SPATA22: variants seen among roughly 807,000 people sequenced by gnomAD.
SPATA22 encodes the protein spermatogenesis associated 22.
Under a neutral mutation model 47.8 loss-of-function variants are expected in SPATA22, and 29 were observed. The observed-to-expected ratio is 0.61, with a 90% CI of 0.45 to 0.83. The LOEUF is 0.83. Among genes scored for constraint, SPATA22 ranks in the 40% least tolerant of loss-of-function variants. The pLI is 0.00. For synonymous variants in SPATA22, 133 were observed against 140.9 expected, an observed-to-expected ratio of 0.94 and a Z score of 0.40; for missense variants, 410 against 421.7, an observed-to-expected ratio of 0.97 and a Z score of 0.24.
intron 1 of SPATA22, among the ~76,000 whole-genome samples, chr17:3,484,086 C>T (rs1290233376): frequency 6.6e-6 from 1 of 152,234 alleles, no homozygotes; most frequent in Non-Finnish European, 1.5e-5. Context: ...CACTGAGCAG[C>T]TTTCTGGTTT....
At chr17:3,465,833 C>T (rs1014398351) in intron 3 of SPATA22, among the ~76,000 whole-genome samples, 2 of 151,510 alleles carry the variant, frequency 1.3e-5, no homozygotes, top group African/African-American at 4.8e-5. Flanking sequence ...CTATCTCTTA[C>T]CCAATACAGG....
intron 1 of SPATA22, among the ~76,000 whole-genome samples, chr17:3,507,113 C>T (rs1057036337): frequency 3.9e-5 from 6 of 152,010 alleles, no homozygotes; most frequent in South Asian, 4.2e-4. Context: ...GTGTTTCCAA[C>T]TTATGGCTTC....
chr17:3,481,687 T>A, intron 1 of SPATA22: 1 of 1,613,908 alleles, frequency 6.2e-7, no homozygotes, highest in Non-Finnish European at 8.5e-7. Context: ...ACAGTGAAGA[T>A]TCCTATGACA....
chr17:3,444,301 G>A (rs746668958), intron 7 of SPATA22, among the ~76,000 whole-genome samples: 11 of 151,946 alleles, frequency 7.2e-5, no homozygotes, highest in African/African-American at 2.4e-4. Flanking sequence ...CCAGATCCAC[G>A]AGTGAACTGT....
Position 3,449,013 on chromosome 17 carries a change from T to C in SPATA22, c.466A>G (p.Lys156Glu). The C allele has an allele frequency of 4.3e-6, 7 of 1,614,052 alleles. No individual in the cohort carries two copies. Among genetic ancestry groups the C allele is most frequent in the Non-Finnish European group, 5.9e-6 (7 of 1,179,978 alleles). ...CPVSSGAQQQ[K>E]QLRIPEPPNL... is the part of the protein sequence containing the mutation. Reference sequence around the variant, plus strand: ...GGAGGTTCAGGTATTCTTAATTGTTTTTGTTGTTGAGCTCCCGAACTCACT... The same window carrying C: ...GGAGGTTCAGGTATTCTTAATTGTTCTTGTTGTTGAGCTCCCGAACTCACT... Residue 156 changes from lysine (K) to glutamate (E), a missense_variant, in exon 6 of 9, where the codon AAA (lysine) becomes GAA (glutamate). By Grantham distance (56) the Lys-to-Glu change is moderately conservative. Coordinates refer to ENST00000572969, the MANE Select transcript of SPATA22 (RefSeq NM_001170698.2).
At chr17:3,506,882 AGTGAGCC>A (rs1375492901) in intron 1 of SPATA22, among the ~76,000 whole-genome samples, 4 of 152,100 alleles carry the variant, frequency 2.6e-5, no homozygotes, top group African/African-American at 7.2e-5. Flanking sequence ...TGGAGGTTGC[AGTGAGCC>A]GAGATCATGC....
chr17:3,513,114 A>C (rs1254879363), intron 1 of SPATA22: 2 of 152,586 alleles, frequency 1.3e-5, no homozygotes, highest in Non-Finnish European at 2.9e-5. Flanking sequence ...TGCTCTGGGC[A>C]CCCTGAGGCC....
intron 3 of SPATA22, among the ~76,000 whole-genome samples, chr17:3,463,669 A>G (rs950450175): frequency 2.0e-5 from 3 of 151,806 alleles, no homozygotes; most frequent in African/African-American, 7.3e-5. Context: ...ATAAAAAAAA[A>G]TAAACTGTGC....
chr17:3,502,158 C>T (rs1289857534), intron 1 of SPATA22: 3 of 152,224 alleles, frequency 2.0e-5, no homozygotes, highest in Non-Finnish European at 4.4e-5. Flanking sequence ...CAAGGCCCTC[C>T]ACCAGCAAAA....
intron 1 of SPATA22, among the ~76,000 whole-genome samples, chr17:3,508,807 G>A (rs1432859387): frequency 2.1e-5 from 3 of 143,770 alleles, no homozygotes; most frequent in Non-Finnish European, 4.5e-5. Flanking sequence ...GCTAAATGAC[G>A]AGTTAATGGG....
In SPATA22 at chr17:3,498,955, T is replaced by C. The variant is rs200126822; in HGVS notation, c.-74+14457A>G. The C allele has an allele frequency of 6.2e-6, 10 of 1,613,302 alleles. No individual in the cohort carries two copies. The highest frequency in any genetic ancestry group is 1.7e-4 in the Middle Eastern group (1 of 6,060). Reference sequence around the variant, plus strand: ...TTTTTAACTCTTGATGGGAAGACGATCCCACTGGGCGGAGACTGTACCGTG... The same window carrying C: ...TTTTTAACTCTTGATGGGAAGACGACCCCACTGGGCGGAGACTGTACCGTG... On this transcript the variant is annotated intron_variant, in intron 1 of 8. Transcript: ENST00000541913.
intron 1 of SPATA22, among the ~76,000 whole-genome samples, chr17:3,509,145 A>T (rs1230281578): frequency 6.6e-6 from 1 of 151,924 alleles, no homozygotes; most frequent in Non-Finnish European, 1.5e-5. Context: ...TATTCACTCA[A>T]AATAATTTGA....
intron 1 of SPATA22, chr17:3,498,983 C>G (rs1401167358): frequency 6.2e-7 from 1 of 1,614,056 alleles, no homozygotes; most frequent in East Asian, 2.2e-5. Context: ...GTACCGTGTA[C>G]CCCGTGTTTG....
At chr17:3,481,511 G>A in intron 1 of SPATA22, 1 of 1,173,338 alleles carries the variant, frequency 8.5e-7, no homozygotes, top group Non-Finnish European at 1.2e-6. Context: ...TAAAGATTTG[G>A]CGACTGGTTC....
chr17:3,511,681 G>C (rs995326129), intron 1 of SPATA22: 6 of 152,246 alleles, frequency 3.9e-5, no homozygotes, highest in African/African-American at 1.4e-4. Context: ...CAAAACATGT[G>C]AGATGACAAA....
intron 1 of SPATA22, among the ~76,000 whole-genome samples, chr17:3,480,726 C>T (rs1054881950): frequency 1.1e-4 from 17 of 152,126 alleles, no homozygotes; most frequent in African/African-American, 3.6e-4. Flanking sequence ...AGGAAGGGGG[C>T]TTGTTTTGGG....
At chr17:3,463,828 CTCT>C (rs905880348) in intron 3 of SPATA22, among the ~76,000 whole-genome samples, 1 of 152,092 alleles carries the variant, frequency 6.6e-6, no homozygotes, top group Non-Finnish European at 1.5e-5. Flanking sequence ...CTACTCTATT[CTCT>C]TCTATTTCTT....
intron 1 of SPATA22, among the ~76,000 whole-genome samples, chr17:3,470,372 C>T (rs990247084): frequency 2.0e-5 from 3 of 152,176 alleles, no homozygotes; most frequent in African/African-American, 4.8e-5. Flanking sequence ...CCCAATGAGA[C>T]AGACAGACCG....
chr17:3,442,203 T>C (rs1480923703), intron 8 of SPATA22, among the ~76,000 whole-genome samples: 1 of 152,054 alleles, frequency 6.6e-6, no homozygotes, highest in Non-Finnish European at 1.5e-5. Context: ...ACATTCAAGA[T>C]ATTATAGGAA....
Sources: allele counts gnomAD v4.1 joint callset (sites outside exome capture counted in the v4.1 genomes callset), GRCh38; gene constraint gnomAD v4.1.1; transcripts MANE v1.5; gene names NCBI Gene and HGNC (gene_info 2026-07-23, HGNC 2026-07-21).